Variants in ANO6 observed in about 807,000 individuals in gnomAD.
ANO6 encodes anoctamin 6.
A neutral mutation model predicts 117.5 loss-of-function variants in ANO6; 106 were observed. That is an observed-to-expected ratio of 0.90 (90% CI 0.77 to 1.06). The LOEUF (loss-of-function observed/expected upper bound fraction) is 1.06. Ranked by LOEUF, ANO6 falls within the 50% of genes least tolerant of loss-of-function variation. ANO6 has a pLI of 0.00. For missense variants in ANO6, 955 were observed against 1,121.1 expected, an observed-to-expected ratio of 0.85 and a Z score of 2.12; for synonymous variants, 367 against 385.1, an observed-to-expected ratio of 0.95 and a Z score of 0.55.
chr12:45,421,697 T>A (rs1313464316), intron 18 of ANO6, among the ~76,000 whole-genome samples: 1 of 152,182 alleles, frequency 6.6e-6, no homozygotes. Context: ...TCAAGCACAA[T>A]CTGAAGATAT....
At chr12:45,262,835 G>A (rs1325406682) in intron 1 of ANO6, among the ~76,000 whole-genome samples, 3 of 152,160 alleles carry the variant, frequency 2.0e-5, no homozygotes, top group Non-Finnish European at 4.4e-5. Context: ...GTGTTTTCCA[G>A]AAGACATTCA....
chr12:45,298,402 C>T (rs73281450), intron 1 of ANO6, among the ~76,000 whole-genome samples: 2,197 of 152,298 alleles, frequency 0.014, 42 homozygotes, highest in African/African-American at 0.049. Flanking sequence ...TACAAACCCT[C>T]AGTCACCTTG....
Position 45,237,483 on chromosome 12 carries a change from C to G in ANO6, c.70+21092C>G, listed in dbSNP as rs139173138. Among the ~76,000 whole-genome samples, 1,165 of 152,314 alleles carry G rather than the reference C, an allele frequency of 7.6e-3. 15 individuals carry two copies. Among genetic ancestry groups the G allele is most frequent in the African/African-American group, 0.027 (1,119 of 41,566 alleles). ...CAGCACCATTTATTAAATAAGGAAT[C>G]CTTTCCCCATTTCTTGTTTTTGTCA... On this transcript the variant is annotated intron_variant, in intron 1 of 19. Coordinates refer to ENST00000320560, the MANE Select transcript of ANO6 (RefSeq NM_001025356.3).
rs550341904 is a variant in ANO6, at chr12:45,409,422, G to T, written c.1946G>T (p.Trp649Leu). The T allele has an allele frequency of 3.1e-6, 5 of 1,614,004 alleles. No homozygotes were observed. Among genetic ancestry groups the T allele is most frequent in the Middle Eastern group, 3.3e-4 (2 of 6,062 alleles). The change falls in exon 16 of 20, where the codon TGG (tryptophan) becomes TTG (leucine). Residue 649 changes from tryptophan (W) to leucine (L), a missense_variant. Transcript: ENST00000320560. ...VSGSEKITPRWEQDYHLQPMG... is the reference protein window; with the variant it reads ...VSGSEKITPRLEQDYHLQPMG... The stretch of plus-strand genomic sequence containing the variant: ...GGATCAGAAAAGATAACCCCACGAT[G>T]GGAACAGGACTACCATCTGCAGCCT...
At chr12:45,400,086 A>G (rs1042155934) in intron 12 of ANO6, among the ~76,000 whole-genome samples, 3 of 150,650 alleles carry the variant, frequency 2.0e-5, no homozygotes, top group African/African-American at 7.4e-5. Context: ...GGAGACCCCA[A>G]TTCTTTTTAC....
rs567573149 is a variant in ANO6 at position 45,407,250 on chromosome 12, G to C, written c.1881-2107G>C. On this transcript the variant is annotated intron_variant, in intron 15 of 19. Transcript: ENST00000320560. Reference sequence around the variant, plus strand: ...GAGACGGAAGCGCCAGCTGACACAAGTAGTTGCCAGGACAGAAGTTTCATC... The same window carrying C: ...GAGACGGAAGCGCCAGCTGACACAACTAGTTGCCAGGACAGAAGTTTCATC... Among the ~76,000 whole-genome samples the C allele has an allele frequency of 5.9e-5, 9 of 152,300 alleles. No individual in the cohort carries two copies. In the South Asian group the frequency reaches 1.9e-3, roughly 32 times the overall value.
At chr12:45,346,880 C>A in intron 3 of ANO6, 142 bp from the exon 4 acceptor site, 1 of 728,062 alleles carries the variant, frequency 1.4e-6, no homozygotes, top group South Asian at 1.6e-5. Flanking sequence ...TTCTTCTATT[C>A]CATTTGCTTG....
At chr12:45,346,384 T>C (rs1166115841) in intron 3 of ANO6, among the ~76,000 whole-genome samples, 2 of 152,214 alleles carry the variant, frequency 1.3e-5, no homozygotes, top group East Asian at 1.9e-4. Context: ...AAGTGTAGTA[T>C]ATTCTGTATC....
intron 2 of ANO6, among the ~76,000 whole-genome samples, chr12:45,322,844 G>C (rs1490149607): frequency 1.3e-5 from 2 of 152,078 alleles, no homozygotes; most frequent in Non-Finnish European, 2.9e-5. Context: ...AAAAAAAATT[G>C]GGTGCTTTTA....
At chr12:45,282,263 A>T (rs576448520) in intron 1 of ANO6, among the ~76,000 whole-genome samples, 1 of 152,336 alleles carries the variant, frequency 6.6e-6, no homozygotes, top group Admixed American at 6.5e-5. Context: ...TGGATATGTG[A>T]ATCTGTGGCT....
chr12:45,242,832 T>A (rs993521596), intron 1 of ANO6, among the ~76,000 whole-genome samples: 10 of 151,674 alleles, frequency 6.6e-5, no homozygotes, highest in African/African-American at 2.4e-4. Context: ...AAGCTTACAA[T>A]TTTTCACATA....
At chr12:45,438,735 A>G (rs1943736617) in intron 19 of ANO6, among the ~76,000 whole-genome samples, 1 of 152,232 alleles carries the variant, frequency 6.6e-6, no homozygotes, top group Non-Finnish European at 1.5e-5. Context: ...TTCAACTTGT[A>G]GTAGTGTGAC....
intron 10 of ANO6, among the ~76,000 whole-genome samples, chr12:45,378,561 G>A (rs1046902433): frequency 2.7e-4 from 41 of 152,240 alleles, no homozygotes; most frequent in Middle Eastern, 3.4e-3. Context: ...AGAGAAGAGA[G>A]GACAAGCTTC....
chr12:45,289,124 A>G (rs1239457940), intron 1 of ANO6, among the ~76,000 whole-genome samples: 5 of 151,520 alleles, frequency 3.3e-5, no homozygotes, highest in African/African-American at 1.2e-4. Flanking sequence ...TAGTAGAATT[A>G]TAAGATCAAA....
intron 16 of ANO6, among the ~76,000 whole-genome samples, chr12:45,411,874 C>T (rs549783666): frequency 9.2e-5 from 14 of 152,338 alleles, no homozygotes; most frequent in Admixed American, 8.5e-4. Flanking sequence ...CCCCATTGCA[C>T]CGAGCCCGAT....
Position 45,429,546 on chromosome 12 carries a change from T to G in ANO6, c.*235T>G. The G allele has an allele frequency of 7.6e-7, 1 of 1,312,856 alleles. No homozygotes were observed. Among genetic ancestry groups the G allele is most frequent in the South Asian group, 1.7e-5 (1 of 59,612 alleles). The allele number at this position is 1,312,856 out of a possible 1,614,324, so 81.3% of individuals were successfully genotyped here. ...CCGGAAAACCTCAATGTTACCTTTTTCTGATAAATTGGAATTTTACAGAAA... is the reference window on the plus strand; with the variant it reads ...CCGGAAAACCTCAATGTTACCTTTTGCTGATAAATTGGAATTTTACAGAAA... On this transcript the variant is annotated 3_prime_UTR_variant, in exon 20 of 20. Transcript: ENST00000320560.
chr12:45,293,957 A>G (rs915630460), intron 1 of ANO6, among the ~76,000 whole-genome samples: 14 of 152,180 alleles, frequency 9.2e-5, no homozygotes, highest in Admixed American at 4.6e-4. Context: ...AGGTTTTACT[A>G]GACATCCAAA....
chr12:45,386,750 T>C (rs1942310397), intron 10 of ANO6, among the ~76,000 whole-genome samples: 1 of 152,242 alleles, frequency 6.6e-6, no homozygotes, highest in South Asian at 2.1e-4. Context: ...ACTACCAGAT[T>C]ATTTGCAGTT....
intron 9 of ANO6, among the ~76,000 whole-genome samples, chr12:45,377,233 T>C (rs1337637571): frequency 6.6e-6 from 1 of 152,120 alleles, no homozygotes; most frequent in Non-Finnish European, 1.5e-5. Context: ...CTTGTCACTT[T>C]TTCCATTATC....
Sources: gnomAD v4.1 joint callset for allele counts (sites outside exome capture counted in the v4.1 genomes callset) on GRCh38, gnomAD v4.1.1 for gene constraint, MANE v1.5 for transcripts, NCBI Gene and HGNC (gene_info 2026-07-23, HGNC 2026-07-21) for gene names.